NR3C2: variants seen among roughly 807,000 people sequenced by gnomAD.
The protein encoded by NR3C2 is mineralocorticoid receptor.
Under a neutral mutation model 86.4 loss-of-function variants are expected in NR3C2, and 15 were observed. The ratio of observed to expected loss-of-function variants is 0.17; its 90% CI spans 0.12 to 0.27. NR3C2 has a LOEUF of 0.27. Among genes scored for constraint, NR3C2 ranks in the 10% least tolerant of loss-of-function variants. The probability of loss-of-function intolerance (pLI) is 1.00; values close to 1 mark genes in which losing one functional copy is unlikely to be tolerated. For missense variants in NR3C2, 960 were observed against 1,195.6 expected (o/e 0.80, Z 2.91); for synonymous variants, 458 against 450.5 (o/e 1.02, Z -0.21).
At chr4:148,193,307 T>C (rs6841570) in intron 4 of NR3C2, among the ~76,000 whole-genome samples, 395 of 152,190 alleles carry the variant, frequency 2.6e-3, no homozygotes, top group African/African-American at 8.9e-3. Flanking sequence ...ACTTCTGCAG[T>C]TGGGGCACTC....
chr4:148,353,779 A>G (rs1745417684), intron 2 of NR3C2, among the ~76,000 whole-genome samples: 1 of 152,168 alleles, frequency 6.6e-6, no homozygotes, highest in African/African-American at 2.4e-5. Flanking sequence ...ATCTAATATC[A>G]TTCTTCTTAC....
chr4:148,415,490 G>T (rs2126585238), intron 2 of NR3C2, among the ~76,000 whole-genome samples: 1 of 152,202 alleles, frequency 6.6e-6, no homozygotes, highest in South Asian at 2.1e-4. Flanking sequence ...CTCTCAAGTG[G>T]TTTTAATAGA....
At chr4:148,402,592 C>T (rs1748222879) in intron 2 of NR3C2, among the ~76,000 whole-genome samples, 1 of 152,154 alleles carries the variant, frequency 6.6e-6, no homozygotes, top group Admixed American at 6.5e-5. Context: ...TAGAACATGT[C>T]TTCGATATTT....
chr4:148,298,302 C>T (rs1016350554), intron 2 of NR3C2, among the ~76,000 whole-genome samples: 5 of 152,136 alleles, frequency 3.3e-5, no homozygotes, highest in African/African-American at 9.7e-5. Flanking sequence ...ATTCAATTTA[C>T]ATGAAATTCT....
At chr4:148,380,368 T>C (rs1290927052) in intron 2 of NR3C2, among the ~76,000 whole-genome samples, 5 of 152,244 alleles carry the variant, frequency 3.3e-5, no homozygotes, top group Non-Finnish European at 5.9e-5. Flanking sequence ...CATCAGTTGA[T>C]AGACATTTAG....
chr4:148,334,578 G>A (rs1433024313), intron 2 of NR3C2, among the ~76,000 whole-genome samples: 1 of 152,040 alleles, frequency 6.6e-6, no homozygotes, highest in Non-Finnish European at 1.5e-5. Context: ...TTACACAAAT[G>A]AGGAAGTACA....
chr4:148,198,181 G>A (rs1329165770), intron 3 of NR3C2, among the ~76,000 whole-genome samples: 1 of 152,016 alleles, frequency 6.6e-6, no homozygotes, highest in East Asian at 1.9e-4. Flanking sequence ...ACAAAGTTGA[G>A]TTTAAAAATA....
intron 2 of NR3C2, among the ~76,000 whole-genome samples, chr4:148,408,867 C>T (rs1271482282): frequency 1.3e-5 from 2 of 151,648 alleles, no homozygotes; most frequent in African/African-American, 2.4e-5. Context: ...TGTTCTATAT[C>T]CTGGTTTTTT....
chr4:148,329,529 T>G (rs78549710), intron 2 of NR3C2, among the ~76,000 whole-genome samples: 3,028 of 152,290 alleles, frequency 0.02, 58 homozygotes, highest in South Asian at 0.063. Context: ...TGCCCTTTTT[T>G]CCACAGTACA....
intron 2 of NR3C2, among the ~76,000 whole-genome samples, chr4:148,300,659 A>G (rs564885249): frequency 2.7e-4 from 37 of 136,544 alleles, no homozygotes; most frequent in African/African-American, 1.0e-3. Flanking sequence ...AATCTCCTCC[A>G]CCTCCTGGGT....
At chr4:148,206,287 A>G (rs1737002936) in intron 3 of NR3C2, among the ~76,000 whole-genome samples, 1 of 152,212 alleles carries the variant, frequency 6.6e-6, no homozygotes, top group Non-Finnish European at 1.5e-5. Context: ...AAATGAGAAA[A>G]GCCAACGCCA....
At position 148,114,188 on chromosome 4, in the gene NR3C2, C is replaced by T. The variant is rs764932379; in HGVS notation, c.2715G>A (p.Lys905=). The T allele has an allele frequency of 6.2e-7, 1 of 1,613,916 alleles. No homozygotes were observed. Among genetic ancestry groups the T allele is most frequent in the Non-Finnish European group, 8.5e-7 (1 of 1,179,936 alleles). ...AATTGTTGGGACACTTAGTTACCAT[C>T]TTCCTCAGTTCTTTGATGTAATTTG... is the stretch of plus-strand genomic sequence containing the variant. The part of the protein sequence containing the change: ...MRTNYIKELR[K]MVTKCPNNSG... Residue 905 remains lysine, a synonymous_variant, in exon 8 of 9, where the codon AAG becomes AAA. Transcript: ENST00000358102.
At chr4:148,175,549 T>C (rs1028227842) in intron 4 of NR3C2, among the ~76,000 whole-genome samples, 2 of 152,208 alleles carry the variant, frequency 1.3e-5, no homozygotes, top group Admixed American at 6.5e-5. Context: ...TATGAGTATA[T>C]ATAGGATAGA....
intron 8 of NR3C2, among the ~76,000 whole-genome samples, chr4:148,103,239 C>G (rs188844860): frequency 2.6e-5 from 4 of 152,214 alleles, no homozygotes; most frequent in African/African-American, 9.6e-5. Context: ...CCTGACACTC[C>G]GTATCACACC....
chr4:148,263,130 C>T (rs1740212432), intron 2 of NR3C2, among the ~76,000 whole-genome samples: 1 of 152,200 alleles, frequency 6.6e-6, no homozygotes, highest in Non-Finnish European at 1.5e-5. Flanking sequence ...ATCTCATCCA[C>T]AATCCTAGCT....
chr4:148,136,095 C>G (rs6817070), intron 6 of NR3C2, among the ~76,000 whole-genome samples: 1 of 139,366 alleles, frequency 7.2e-6, no homozygotes. Flanking sequence ...AAAAACACCA[C>G]CAAAACCAAC....
intron 8 of NR3C2, among the ~76,000 whole-genome samples, chr4:148,113,835 C>T (rs910408733): frequency 4.6e-5 from 7 of 152,152 alleles, no homozygotes; most frequent in Non-Finnish European, 7.4e-5. Flanking sequence ...GGCGAAAATG[C>T]TATATAACCT....
At chr4:148,303,944 C>T (rs1023060959) in intron 2 of NR3C2, among the ~76,000 whole-genome samples, 2 of 152,212 alleles carry the variant, frequency 1.3e-5, no homozygotes, top group Non-Finnish European at 2.9e-5. Flanking sequence ...TGGGCAGCAG[C>T]CCGTCATGGT....
chr4:148,364,144 C>G (rs1004860125), intron 2 of NR3C2, among the ~76,000 whole-genome samples: 1 of 152,182 alleles, frequency 6.6e-6, no homozygotes, highest in African/African-American at 2.4e-5. Flanking sequence ...ATGAAAACTA[C>G]ATTTTTGTAA....
Sources: gnomAD v4.1 joint callset for allele counts (sites outside exome capture counted in the v4.1 genomes callset) on GRCh38, gnomAD v4.1.1 for gene constraint, MANE v1.5 for transcripts, NCBI Gene and HGNC (gene_info 2026-07-23, HGNC 2026-07-21) for gene names.